The following MYOM3 variants were observed in gnomAD, a reference collection of about 807,000 sequenced individuals.
MYOM3 encodes myomesin 3.
A neutral mutation model predicts 191.7 loss-of-function variants in MYOM3; 155 were observed. The ratio of observed to expected loss-of-function variants is 0.81; its 90% confidence interval spans 0.71 to 0.92. MYOM3 has a LOEUF of 0.92. MYOM3 is among the 40% of genes least tolerant of loss of function. The pLI is 0.00. For synonymous variants in MYOM3, 757 were observed against 762.9 expected (o/e 0.99, Z 0.13); for missense variants, 1,889 against 1,890.6 (o/e 1.00, Z 0.02).
At chr1:24,065,678 T>A (rs1412842020) in intron 29 of MYOM3, 6 of 606,450 alleles carry the variant, frequency 9.9e-6, no homozygotes, top group Non-Finnish European at 1.5e-5. Flanking sequence ...CTTTAATAGT[T>A]TTTTTGCATT....
chr1:24,063,052 G>T lies in MYOM3; in HGVS notation c.3770+74C>A. On this transcript the variant is annotated intron_variant, in intron 32 of 36. Transcript: ENST00000374434. This position sits in a 1 kb window ranked among gnomAD's most constrained non-coding sequence, Gnocchi z 4.5. ...GCTTGGAGGACCAGGCAGGGAGAAG[G>T]GAGGGAGGCCCCCATGGGTCAGGTG... The T allele has an allele frequency of 1.0e-6, 1 of 965,272 alleles. No homozygotes were observed. The highest frequency in any genetic ancestry group is 1.7e-6 in the Non-Finnish European group (1 of 598,448). 59.8% of individuals were successfully genotyped at this position (965,272 alleles called of 1,614,324 possible).
rs969227279 is a variant in MYOM3, at chr1:24,087,474, T to C, written c.1615-647A>G. 5.3e-5 allele frequency among the ~76,000 whole-genome samples: 8 copies of C among 152,174 alleles called. No homozygotes were observed. The highest frequency in any genetic ancestry group is 1.9e-4 in the African/African-American group (8 of 41,446). ...CCATCGCCTGACCCCTCGGCCTGTC[T>C]GGCCACCGTTCCCTCTGCCCTTAGT... On this transcript the variant is annotated intron_variant, in intron 14 of 36. Transcript: ENST00000374434. The surrounding 1 kb of genome is among the most constrained non-coding windows in gnomAD (Gnocchi z 4.5).
rs777483764 is a variant in MYOM3, at chr1:24,068,363, C to A, written c.3155G>T (p.Arg1052Leu). The change falls in exon 26 of 37, where the codon CGC becomes CTC. Residue 1052 changes from arginine (R) to leucine (L), a missense_variant. By Grantham distance (102) the Arg-to-Leu change is moderately radical. Coordinates refer to ENST00000374434, the MANE Select transcript of MYOM3 (RefSeq NM_152372.4). ...CTTCTCTCGGTCAAAATTGATTTTG[C>A]GGTTCTGAAAAGGACAAACTCCAGA... is the stretch of plus-strand genomic sequence containing the variant. Reference protein sequence around the residue: ...NNKEIFSSPNRKINFDREKGL... With the variant: ...NNKEIFSSPNLKINFDREKGL... 2.5e-6 allele frequency: 4 copies of A among 1,614,038 alleles called. No individual in the cohort carries two copies. The highest frequency in any genetic ancestry group is 1.1e-5 in the South Asian group (1 of 91,080).
At position 24,102,354 on chromosome 1, in the gene MYOM3, C is replaced by T. The variant is rs561982561; in HGVS notation, c.561-2579G>A. Reference sequence around the variant, plus strand: ...GTTAGGCCCCCTACCACACACCTGTCGGGAAGATTCCAGACACCTCAGCCT... The same window carrying T: ...GTTAGGCCCCCTACCACACACCTGTTGGGAAGATTCCAGACACCTCAGCCT... On this transcript the variant is annotated intron_variant, in intron 5 of 36. Transcript: ENST00000374434. Among the ~76,000 whole-genome samples the T allele has an allele frequency of 1.2e-4, 18 of 152,248 alleles. 1 individual carries two copies. In the South Asian group the frequency reaches 2.5e-3, roughly 21 times the overall value.
intron 7 of MYOM3, among the ~76,000 whole-genome samples, chr1:24,096,515 G>A (rs1451107672): frequency 6.6e-6 from 1 of 152,170 alleles, no homozygotes; most frequent in East Asian, 1.9e-4. Context: ...ATGGACTGTG[G>A]GGACAGCTCA....
rs1333999494 is a variant in MYOM3, at chr1:24,069,615, C to CTTTCT, written c.3151-1249_3151-1248insAGAAA. Among the ~76,000 whole-genome samples, 71 of 138,162 alleles carry CTTTCT rather than the reference C, an allele frequency of 5.1e-4. No homozygotes were observed. The Middle Eastern group carries it at 0.011, about 21-fold the overall frequency. 90.6% of individuals were successfully genotyped at this position (138,162 alleles called of 152,430 possible). ...TTTTCTTTTCTTTCTTTCTTTCTTTCTTTTTTTTTTTTGAGACAGAGTCTC... is the reference window on the plus strand; with the variant it reads ...TTTTCTTTTCTTTCTTTCTTTCTTTCTTTCTTTTTTTTTTTTTGAGACAGAGTCTC... On this transcript the variant is annotated intron_variant, in intron 25 of 36. Transcript: ENST00000374434.
Position 24,108,622 on chromosome 1 carries a change from G to A in MYOM3, c.15C>T (p.His5=), listed in dbSNP as rs1355626973. 1 of 1,560,620 alleles carries A rather than the reference G, an allele frequency of 6.4e-7. No homozygotes were observed. Among genetic ancestry groups the A allele is most frequent in the Admixed American group, 2.0e-5 (1 of 49,876 alleles). Residue 5 remains histidine (H), a synonymous_variant, in exon 2 of 37, where the codon CAC becomes CAT. Coordinates refer to ENST00000374434, the MANE Select transcript of MYOM3 (RefSeq NM_152372.4). ...GGGGGTCCCCCGCACCTCCCAAGCT[G>A]TGCGGCAGAGTCATGGTTACGAGAG... MTLP[H]SLGGAGDPRP...
intron 24 of MYOM3, among the ~76,000 whole-genome samples, 162 bp downstream of exon 24, chr1:24,071,807 G>C (rs1300644574): frequency 6.6e-6 from 1 of 152,132 alleles, no homozygotes; most frequent in African/African-American, 2.4e-5. Flanking sequence ...TTCCTTCCGT[G>C]AGCTTCCCGA....
In MYOM3 at chr1:24,063,452, C is replaced by G; in HGVS notation, c.3661+40G>C. ...AGGCTGCTTGGAGGCTGTTGGGCATCAGGGCAGGGCAGGGCTGGGCAAAGA... is the reference window on the plus strand; with the variant it reads ...AGGCTGCTTGGAGGCTGTTGGGCATGAGGGCAGGGCAGGGCTGGGCAAAGA... On this transcript the variant is annotated intron_variant, in intron 31 of 36. Coordinates refer to ENST00000374434, the MANE Select transcript of MYOM3 (RefSeq NM_152372.4). This position sits in a 1 kb window ranked among gnomAD's most constrained non-coding sequence, Gnocchi z 4.5. 6.2e-7 allele frequency: 1 copy of G among 1,612,642 alleles called. No individual in the cohort carries two copies. The highest frequency in any genetic ancestry group is 8.5e-7 in the Non-Finnish European group (1 of 1,178,764).
Position 24,063,092 on chromosome 1 carries a change from G to T in MYOM3, c.3770+34C>A. The T allele has an allele frequency of 1.3e-6, 2 of 1,483,712 alleles. No homozygotes were observed. Among genetic ancestry groups the T allele is most frequent in the Non-Finnish European group, 1.9e-6 (2 of 1,062,968 alleles). 91.9% of individuals were successfully genotyped at this position (1,483,712 alleles called of 1,614,324 possible). A position where few individuals can be genotyped will look rare whatever the true frequency, so the allele number is the denominator to read the frequency against. On this transcript the variant is annotated intron_variant, in intron 32 of 36. Coordinates refer to ENST00000374434, the MANE Select transcript of MYOM3 (RefSeq NM_152372.4). The surrounding 1 kb of genome is among the most constrained non-coding windows in gnomAD (Gnocchi z 4.5). ...TGGGTCAGGTGCTGAATCCTTTCCA[G>T]CCTGGCTGGGGTTCTGGGGCAAGGC...
chr1:24,071,367 A>T, intron 24 of MYOM3, 114 bp from the exon 25 acceptor site: 3 of 1,254,020 alleles, frequency 2.4e-6, no homozygotes, highest in South Asian at 1.5e-5. Flanking sequence ...CCTTTAGAGA[A>T]CCTGAAGGAG....
At position 24,098,084 on chromosome 1, in the gene MYOM3, G is replaced by T. The variant is rs1643888199; in HGVS notation, c.657-73C>A. ...TGGGAAACACAAGTCCCCTGTGTGGGTGGGAAAGGCTGGAACTAAGGAAAG... is the reference window on the plus strand; with the variant it reads ...TGGGAAACACAAGTCCCCTGTGTGGTTGGGAAAGGCTGGAACTAAGGAAAG... On this transcript the variant is annotated intron_variant, in intron 6 of 36. Transcript: ENST00000374434. 4.1e-6 allele frequency: 4 copies of T among 979,124 alleles called. No individual in the cohort carries two copies. The East Asian group carries it at 9.5e-5, about 23-fold the overall frequency. 60.7% of individuals were successfully genotyped at this position (979,124 alleles called of 1,614,324 possible).
intron 5 of MYOM3, 61 bp downstream of exon 5, chr1:24,105,859 A>T: frequency 6.8e-7 from 1 of 1,480,012 alleles, no homozygotes; most frequent in Non-Finnish European, 9.2e-7. Flanking sequence ...GAAGTATTGG[A>T]TGTGAGGAAC....
At position 24,089,690 on chromosome 1, in the gene MYOM3, G is replaced by A. The variant is rs76916422; in HGVS notation, c.1487-25C>T. On this transcript the variant is annotated intron_variant, in intron 13 of 36. Transcript: ENST00000374434. ...TCTGAAATCAGAGTCACCCGGGACCGAGATGGTTGGACCCTCAGAGACCCC... is the reference window on the plus strand; with the variant it reads ...TCTGAAATCAGAGTCACCCGGGACCAAGATGGTTGGACCCTCAGAGACCCC... The A allele has an allele frequency of 3.3e-3, 5,067 of 1,553,336 alleles. 151 individuals are homozygous for A. The African/African-American group carries it at 0.06, about 18-fold the overall frequency.
intron 16 of MYOM3, chr1:24,084,087 C>G (rs1643706650): frequency 4.3e-6 from 1 of 230,282 alleles, no homozygotes; most frequent in African/African-American, 2.3e-5. Context: ...TACTCCCACT[C>G]AAATCTCATG....
Position 24,075,392 on chromosome 1 carries a change from C to CT in MYOM3, c.2784dup (p.Glu929ArgfsTer22). 1 of 1,612,812 alleles carries CT rather than the reference C, an allele frequency of 6.2e-7. No homozygotes were observed. Among genetic ancestry groups the CT allele is most frequent in the Non-Finnish European group, 8.5e-7 (1 of 1,179,720 alleles). On this transcript the variant is annotated frameshift_variant, in exon 22 of 37. Coordinates refer to ENST00000374434, the MANE Select transcript of MYOM3 (RefSeq NM_152372.4). LOFTEE classifies it high-confidence loss of function. Reference sequence around the variant, plus strand: ...TTGTAGTCTTTGGACCACTGAAACTCTGAGGAGTCGGGGGCTTCAGGGGCT... The same window carrying CT: ...TTGTAGTCTTTGGACCACTGAAACTCTTGAGGAGTCGGGGGCTTCAGGGGCT...
At chr1:24,062,893 T>C (rs544913971) in intron 32 of MYOM3, among the ~76,000 whole-genome samples, 1 of 152,278 alleles carries the variant, frequency 6.6e-6, no homozygotes, top group South Asian at 2.1e-4. Context: ...TCCCTGGGGA[T>C]CTCGGCAAAG....
intron 25 of MYOM3, among the ~76,000 whole-genome samples, 199 bp from the exon 26 acceptor site, chr1:24,068,566 T>C (rs1643484101): frequency 6.6e-6 from 1 of 151,976 alleles, no homozygotes; most frequent in South Asian, 2.1e-4. Flanking sequence ...CAATTTTTTG[T>C]TGTTGTTTTT....
chr1:24,076,462 C>T (rs1006663253), intron 20 of MYOM3, among the ~76,000 whole-genome samples, 189 bp from the exon 21 acceptor site: 2 of 151,462 alleles, frequency 1.3e-5, no homozygotes, highest in African/African-American at 4.9e-5. Flanking sequence ...CTTGGGTCCT[C>T]TCCACCAATC....
Sources: gnomAD v4.1 joint callset for allele counts (sites outside exome capture counted in the v4.1 genomes callset) on GRCh38, gnomAD v4.1.1 for gene constraint, Gnocchi (gnomAD v3.1) non-coding constraint, MANE v1.5 for transcripts, NCBI Gene and HGNC (gene_info 2026-07-23, HGNC 2026-07-21) for gene names.